The following C10orf67 variants were observed in gnomAD, a reference collection of about 807,000 sequenced individuals.
C10orf67 encodes the protein chromosome 10 open reading frame 67.
Under a neutral mutation model 35.6 loss-of-function variants are expected in C10orf67, and 60 were observed. The ratio of observed to expected loss-of-function variants is 1.68; its 90% CI spans 1.37 to 2.09. The LOEUF (loss-of-function observed/expected upper bound fraction) is 2.09, where lower values mean the gene tolerates loss of function less well. Ranked by LOEUF, C10orf67 falls within the 30% of genes most tolerant of loss-of-function variation. The pLI, the probability that C10orf67 is intolerant of heterozygous loss-of-function variation, is 0.00. For missense variants in C10orf67, 474 were observed against 330.2 expected, an observed-to-expected ratio of 1.44 and a Z score of -3.38; for synonymous variants, 167 against 115.8, an observed-to-expected ratio of 1.44 and a Z score of -2.84.
chr10:23,267,330 T>A (rs1812855200), intron 8 of C10orf67, 76 bp from the exon 9 acceptor site: 3 of 645,846 alleles, frequency 4.6e-6, no homozygotes, highest in Non-Finnish European at 8.4e-6. Context: ...AAAACTTCTA[T>A]AAGCAATGAA....
At chr10:23,325,459 C>A (rs1845149908) in intron 2 of C10orf67, among the ~76,000 whole-genome samples, 2 of 141,634 alleles carry the variant, frequency 1.4e-5, no homozygotes, top group Admixed American at 7.3e-5. Flanking sequence ...TATAACAAAA[C>A]CAAGATTTGG....
At chr10:23,297,814 T>A (rs1334317044) in intron 5 of C10orf67, among the ~76,000 whole-genome samples, 1 of 152,240 alleles carries the variant, frequency 6.6e-6, no homozygotes, top group African/African-American at 2.4e-5. Flanking sequence ...GATATTTAAG[T>A]AAACAGTTGT....
Position 23,282,092 on chromosome 10 carries a change from G to T in C10orf67, c.910-14C>A, listed in dbSNP as rs1588648310. 1.9e-6 allele frequency: 1 copy of T among 535,566 alleles called. No homozygotes were observed. The highest frequency in any genetic ancestry group is 3.3e-6 in the Non-Finnish European group (1 of 298,828). 33.2% of individuals were successfully genotyped at this position (535,566 alleles called of 1,614,324 possible). ...ACTATCCATTAACTGAAATAGAGAAGAAATTATATTTTTATTAAAGATAAG... is the reference window on the plus strand; with the variant it reads ...ACTATCCATTAACTGAAATAGAGAATAAATTATATTTTTATTAAAGATAAG... On this transcript the variant is annotated splice_polypyrimidine_tract_variant and intron_variant, in intron 7 of 15. Coordinates refer to ENST00000636213, the MANE Select transcript of C10orf67 (RefSeq NM_001371909.1).
intron 8 of C10orf67, 58 bp downstream of exon 8, chr10:23,281,955 A>G: frequency 1.9e-6 from 1 of 531,706 alleles, no homozygotes. Context: ...TAAAACTTTC[A>G]TGGTTAAATT....
At chr10:23,238,550 T>A (rs1313965897) in intron 13 of C10orf67, among the ~76,000 whole-genome samples, 1 of 152,180 alleles carries the variant, frequency 6.6e-6, no homozygotes, top group East Asian at 1.9e-4. Flanking sequence ...TGTGCTTGAA[T>A]TGGTATAATT....
intron 2 of C10orf67, 115 bp from the exon 3 acceptor site, chr10:23,322,652 G>A (rs1370576505): frequency 1.5e-6 from 1 of 648,984 alleles, no homozygotes; most frequent in Non-Finnish European, 2.6e-6. Context: ...TGCACAAAGA[G>A]GGGAGCAACA....
At chr10:23,298,860 G>C (rs189436228) in intron 5 of C10orf67, among the ~76,000 whole-genome samples, 1 of 152,276 alleles carries the variant, frequency 6.6e-6, no homozygotes, top group East Asian at 1.9e-4. Flanking sequence ...TCCATGTACC[G>C]AAGGACAACA....
intron 8 of C10orf67, among the ~76,000 whole-genome samples, chr10:23,281,340 C>A (rs770283337): frequency 1.3e-5 from 2 of 152,150 alleles, no homozygotes; most frequent in Non-Finnish European, 2.9e-5. Context: ...CTATGAGCAA[C>A]CTTTTCTCTT....
chr10:23,253,514 T>C (rs1842517617), intron 10 of C10orf67, among the ~76,000 whole-genome samples: 1 of 152,086 alleles, frequency 6.6e-6, no homozygotes, highest in Non-Finnish European at 1.5e-5. Flanking sequence ...CTTGCCATTA[T>C]GCTAAAAAAA....
At position 23,271,124 on chromosome 10, in the gene C10orf67, T is replaced by C. The variant is rs554957600; in HGVS notation, c.976-3870A>G. 3.3e-5 allele frequency among the ~76,000 whole-genome samples: 5 copies of C among 152,308 alleles called. No homozygotes were observed. The East Asian group carries it at 7.7e-4, about 24-fold the overall frequency. On this transcript the variant is annotated intron_variant, in intron 8 of 15. Transcript: ENST00000636213. ...ACAGAAAAAAGTGGGATCACAATCC[T>C]AGTTTCTGACTAAACAGACTTTAAA...
At chr10:23,229,142 C>T (rs1325912092) in intron 13 of C10orf67, among the ~76,000 whole-genome samples, 1 of 151,866 alleles carries the variant, frequency 6.6e-6, no homozygotes, top group Non-Finnish European at 1.5e-5. Context: ...CACGTATGTT[C>T]ACTGCGGCAC....
intron 1 of C10orf67, among the ~76,000 whole-genome samples, chr10:23,333,419 C>A (rs1845556020): frequency 6.6e-6 from 1 of 152,138 alleles, no homozygotes; most frequent in South Asian, 2.1e-4. Flanking sequence ...TTCCACTTTT[C>A]TGAGATATGA....
At chr10:23,278,533 C>A (rs1394999161) in intron 8 of C10orf67, among the ~76,000 whole-genome samples, 1 of 152,104 alleles carries the variant, frequency 6.6e-6, no homozygotes, top group Non-Finnish European at 1.5e-5. Flanking sequence ...AACTGTAGCT[C>A]ACAGAATGGA....
Position 23,250,656 on chromosome 10 carries a change from T to C in C10orf67, c.1236A>G (p.Glu412=), listed in dbSNP as rs976315383. 10 of 398,564 alleles carry C rather than the reference T, an allele frequency of 2.5e-5. No individual in the cohort carries two copies. The highest frequency in any genetic ancestry group is 2.1e-4 in the African/African-American group (10 of 48,630). 24.7% of individuals were successfully genotyped at this position (398,564 alleles called of 1,614,324 possible). A position where few individuals can be genotyped will look rare whatever the true frequency, so the allele number is the denominator to read the frequency against. Residue 412 remains glutamate, a synonymous_variant, in exon 11 of 16, where the codon GAA becomes GAG. Transcript: ENST00000636213. ...CATTCTCTAAATTTGCCTTTAATGC[T>C]TCTATTTGAGACTCCAAACCATGTT... ...EDKHGLESQI[E]ALKANLENEK... is the part of the protein sequence containing the mutation.
intron 2 of C10orf67, among the ~76,000 whole-genome samples, chr10:23,325,061 G>C (rs965971338): frequency 2.6e-5 from 4 of 152,166 alleles, no homozygotes; most frequent in Non-Finnish European, 5.9e-5. Context: ...AACAAGCCAG[G>C]CATGATGGCT....
chr10:23,323,312 T>G (rs1291671534), intron 2 of C10orf67, among the ~76,000 whole-genome samples: 1 of 152,148 alleles, frequency 6.6e-6, no homozygotes, highest in Non-Finnish European at 1.5e-5. Context: ...ACAATGTATT[T>G]TTATCTGCCC....
At chr10:23,299,376 G>T (rs1453347914) in intron 5 of C10orf67, among the ~76,000 whole-genome samples, 1 of 152,064 alleles carries the variant, frequency 6.6e-6, no homozygotes, top group Non-Finnish European at 1.5e-5. Context: ...AACAGGACAG[G>T]CATTCTTTGC....
chr10:23,320,405 A>G (rs1207724609), intron 4 of C10orf67, among the ~76,000 whole-genome samples: 1 of 152,222 alleles, frequency 6.6e-6, no homozygotes, highest in Non-Finnish European at 1.5e-5. Context: ...GTCAGAGACC[A>G]TTCACTGGAA....
At chr10:23,268,923 T>C (rs549441149) in intron 8 of C10orf67, among the ~76,000 whole-genome samples, 3 of 152,224 alleles carry the variant, frequency 2.0e-5, no homozygotes, top group Non-Finnish European at 4.4e-5. Context: ...AAAGTTACAG[T>C]AGAAACATGG....
Sources: gnomAD v4.1 joint callset for allele counts (sites outside exome capture counted in the v4.1 genomes callset) on GRCh38, gnomAD v4.1.1 for gene constraint, MANE v1.5 for transcripts, NCBI Gene and HGNC (gene_info 2026-07-23, HGNC 2026-07-21) for gene names.